The following PDCD10 variants were observed in gnomAD, a reference collection of about 807,000 sequenced individuals.
The protein encoded by PDCD10 is programmed cell death protein 10.
PDCD10 carries 4 observed loss-of-function variants against 29.2 expected under a neutral mutation model. The observed-to-expected ratio is 0.14, with a 90% CI of 0.07 to 0.31. The LOEUF (loss-of-function observed/expected upper bound fraction) is 0.31. Among genes scored for constraint, PDCD10 ranks in the 10% least tolerant of loss-of-function variants. The pLI is 1.00. For missense variants in PDCD10, 183 were observed against 257.9 expected (o/e 0.71, Z 1.99); for synonymous variants, 70 against 82.2 (o/e 0.85, Z 0.80).
At chr3:167,700,697 G>A (rs1380205298) in intron 4 of PDCD10, among the ~76,000 whole-genome samples, 1 of 152,116 alleles carries the variant, frequency 6.6e-6, no homozygotes, top group African/African-American at 2.4e-5. Flanking sequence ...TAAAGCAAAA[G>A]GAAAGTCTAA....
At chr3:167,690,569 C>CA (rs1178260860) in intron 6 of PDCD10, among the ~76,000 whole-genome samples, 6 of 151,626 alleles carry the variant, frequency 4.0e-5, no homozygotes, top group Non-Finnish European at 8.8e-5. Flanking sequence ...TATTGGACTT[C>CA]AAAAAAAATA....
chr3:167,704,637 T>C (rs1004845956), intron 4 of PDCD10: 4 of 484,912 alleles, frequency 8.2e-6, no homozygotes, highest in South Asian at 2.9e-5. Flanking sequence ...AAGCACAAAG[T>C]GATGAAAAGA....
chr3:167,706,073 C>G (rs945658059), intron 3 of PDCD10, among the ~76,000 whole-genome samples: 3 of 152,160 alleles, frequency 2.0e-5, no homozygotes, highest in Non-Finnish European at 1.5e-5. Flanking sequence ...GTTATTAGTT[C>G]ACTCTGTATA....
At chr3:167,689,376 T>C (rs1251092243) in intron 6 of PDCD10, among the ~76,000 whole-genome samples, 1 of 152,186 alleles carries the variant, frequency 6.6e-6, no homozygotes, top group Non-Finnish European at 1.5e-5. Context: ...AAATGGAATA[T>C]AATGGAGCAA....
chr3:167,686,245 T>C (rs1719617273), intron 8 of PDCD10, among the ~76,000 whole-genome samples: 1 of 152,220 alleles, frequency 6.6e-6, no homozygotes. Context: ...GTATGTATGT[T>C]AAAATATATA....
rs575933254 is a variant in PDCD10 at position 167,692,913 on chromosome 3, G to A, written c.395+2683C>T. On this transcript the variant is annotated intron_variant, in intron 6 of 8. Transcript: ENST00000392750. ...AGCCTGGGCGACAGAGCAAGACTCC[G>A]TCTCAAAAACAAAACAAACAAACAA... 2.3e-3 allele frequency among the ~76,000 whole-genome samples: 353 copies of A among 152,294 alleles called. 2 individuals are homozygous for A. The highest frequency in any genetic ancestry group is 7.9e-3 in the African/African-American group (327 of 41,562).
chr3:167,711,704 CTG>C (rs972044366), intron 3 of PDCD10, among the ~76,000 whole-genome samples: 1 of 152,026 alleles, frequency 6.6e-6, no homozygotes, highest in Non-Finnish European at 1.5e-5. Context: ...CCAAAGAAGA[CTG>C]TGTCGAGGCA....
intron 3 of PDCD10, among the ~76,000 whole-genome samples, chr3:167,707,614 C>T (rs926845835): frequency 3.3e-5 from 5 of 151,516 alleles, no homozygotes; most frequent in Non-Finnish European, 7.4e-5. Context: ...GGAGGCAGAG[C>T]TTGCAGTGAG....
At chr3:167,732,953 TAC>T (rs1457350301) in intron 2 of PDCD10, among the ~76,000 whole-genome samples, 1 of 152,270 alleles carries the variant, frequency 6.6e-6, no homozygotes, top group Admixed American at 6.5e-5. Context: ...CTTGTCTGTG[TAC>T]TACATTACTT....
At chr3:167,691,740 AT>A (rs1720264602) in intron 6 of PDCD10, among the ~76,000 whole-genome samples, 1 of 152,112 alleles carries the variant, frequency 6.6e-6, no homozygotes, top group Admixed American at 6.5e-5. Context: ...CAGAAACTCT[AT>A]TTTTCAATCT....
At chr3:167,701,868 C>T (rs756489732) in intron 4 of PDCD10, among the ~76,000 whole-genome samples, 3 of 151,642 alleles carry the variant, frequency 2.0e-5, no homozygotes, top group Admixed American at 6.6e-5. Context: ...AACAGAGCCA[C>T]GGAAATCATG....
chr3:167,687,032 C>A (rs996381850), intron 8 of PDCD10, among the ~76,000 whole-genome samples: 1 of 152,128 alleles, frequency 6.6e-6, no homozygotes, highest in African/African-American at 2.4e-5. Flanking sequence ...TTTCAGAAAG[C>A]GTCTGATAAC....
chr3:167,711,896 C>T (rs1005778492), intron 3 of PDCD10, among the ~76,000 whole-genome samples: 4 of 151,880 alleles, frequency 2.6e-5, no homozygotes, highest in African/African-American at 7.3e-5. Context: ...AAATTTTTAT[C>T]CTAGAATATC....
At chr3:167,707,336 C>T (rs1367710411) in intron 3 of PDCD10, among the ~76,000 whole-genome samples, 1 of 152,166 alleles carries the variant, frequency 6.6e-6, no homozygotes, top group Non-Finnish European at 1.5e-5. Flanking sequence ...GAGTCCAGCA[C>T]TTTCCGAGCT....
intron 2 of PDCD10, 128 bp from the exon 3 acceptor site, chr3:167,720,401 G>A (rs1723450355): frequency 2.2e-6 from 1 of 445,408 alleles, no homozygotes; most frequent in Admixed American, 3.6e-5. Context: ...TATTCTACTT[G>A]TGAAAGCAAA....
chr3:167,711,934 G>C (rs1426154873), intron 3 of PDCD10, among the ~76,000 whole-genome samples: 1 of 152,044 alleles, frequency 6.6e-6, no homozygotes, highest in Non-Finnish European at 1.5e-5. Flanking sequence ...AAACATGAAG[G>C]AGAAATAAAG....
At chr3:167,694,822 C>T (rs1415416003) in intron 6 of PDCD10, among the ~76,000 whole-genome samples, 2 of 152,208 alleles carry the variant, frequency 1.3e-5, no homozygotes, top group African/African-American at 2.4e-5. Flanking sequence ...TATGTCACAG[C>T]CTCTTCCAGA....
chr3:167,699,993 AAT>A (rs980396382), intron 4 of PDCD10, among the ~76,000 whole-genome samples: 2 of 152,232 alleles, frequency 1.3e-5, no homozygotes, highest in Non-Finnish European at 1.5e-5. Context: ...TTTACTATAA[AAT>A]AGATACAAAT....
In PDCD10 at chr3:167,697,963, T is replaced by G. The variant is rs151246190; in HGVS notation, c.151-837A>C. 1.8e-3 allele frequency: 813 copies of G among 456,662 alleles called. 21 individuals carry two copies. In the East Asian group the frequency reaches 0.034, roughly 19 times the overall value. 28.3% of individuals were successfully genotyped at this position (456,662 alleles called of 1,614,324 possible). Reference sequence around the variant, plus strand: ...AATTTTAATCATTATGCTGATGATTTTCTTTCCTTTTTGCCCTAATATTAA... The same window carrying G: ...AATTTTAATCATTATGCTGATGATTGTCTTTCCTTTTTGCCCTAATATTAA... On this transcript the variant is annotated intron_variant, in intron 4 of 8. Coordinates refer to ENST00000392750, the MANE Select transcript of PDCD10 (RefSeq NM_007217.4).
Sources: allele counts gnomAD v4.1 joint callset (sites outside exome capture counted in the v4.1 genomes callset), GRCh38; gene constraint gnomAD v4.1.1; transcripts MANE v1.5; gene names NCBI Gene and HGNC (gene_info 2026-07-23, HGNC 2026-07-21).